DNAH5: variants seen among roughly 807,000 people sequenced by gnomAD.
DNAH5 encodes axonemal beta dynein heavy chain 5.
In DNAH5, 372 loss-of-function variants were observed where a neutral mutation model predicts 518.2. The ratio of observed to expected loss-of-function variants is 0.72; its 90% CI spans 0.66 to 0.78. The LOEUF is 0.78. Among genes scored for constraint, DNAH5 ranks in the 30% least tolerant of loss-of-function variants. The probability of loss-of-function intolerance (pLI) is 0.00; values close to 1 mark genes in which losing one functional copy is unlikely to be tolerated. For synonymous variants in DNAH5, 2,039 were observed against 2,025.9 expected, an observed-to-expected ratio of 1.01 and a Z score of -0.17; for missense variants, 5,523 against 5,687.0, an observed-to-expected ratio of 0.97 and a Z score of 0.93.
chr5:13,917,333 AC>A, intron 7 of DNAH5, 77 bp from the exon 8 acceptor site: 1 of 1,053,966 alleles, frequency 9.5e-7, no homozygotes, highest in Non-Finnish European at 1.5e-6. Flanking sequence ...GCTAAGAGTC[AC>A]CACAAGTCCA....
In DNAH5 at chr5:13,717,362, T is replaced by A. The variant is rs2277046; in HGVS notation, c.12658A>T (p.Thr4220Ser). The A allele has an allele frequency of 2.5e-6, 4 of 1,613,746 alleles. No homozygotes were observed. Among genetic ancestry groups the A allele is most frequent in the Non-Finnish European group, 2.5e-6 (3 of 1,179,982 alleles). Residue 4220 changes from threonine (T) to serine (S), a missense_variant, in exon 73 of 79, where the codon ACT (threonine) becomes TCT (serine). By Grantham distance (58) the Thr-to-Ser change is moderately conservative (BLOSUM62 1). Coordinates refer to ENST00000265104, the MANE Select transcript of DNAH5 (RefSeq NM_001369.3). Reference protein sequence around the residue: ...YEFNQADFNATVQFIQNHLDD... With the variant: ...YEFNQADFNASVQFIQNHLDD... The stretch of plus-strand genomic sequence containing the variant: ...AAGTGGTTTTGGATGAACTGCACAG[T>A]GGCATTAAAGTCCGCTTGGTTAAAT...
At chr5:13,767,916 G>C (rs558542591) in intron 58 of DNAH5, among the ~76,000 whole-genome samples, 1 of 152,162 alleles carries the variant, frequency 6.6e-6, no homozygotes, top group Non-Finnish European at 1.5e-5. Flanking sequence ...CTTTGCACAA[G>C]ATTTGTTGTC....
At chr5:13,983,990 T>C (rs554722172) in intron 1 of DNAH5, among the ~76,000 whole-genome samples, 1 of 152,150 alleles carries the variant, frequency 6.6e-6, no homozygotes, top group South Asian at 2.1e-4. Context: ...GAGGTGGAAG[T>C]AGAGTTGCTA....
Position 13,841,051 on chromosome 5 carries a change from A to AT in DNAH5, c.5563dup (p.Ile1855AsnfsTer6), listed in dbSNP as rs752925056. ...GAAAGCCTGATTAGTTTTCTGCATGATTTTTTTATCAAACTTGGCATTTCT... is the reference window on the plus strand; with the variant it reads ...GAAAGCCTGATTAGTTTTCTGCATGATTTTTTTTATCAAACTTGGCATTTCT... On this transcript the variant is annotated frameshift_variant, in exon 34 of 79. Coordinates refer to ENST00000265104, the MANE Select transcript of DNAH5 (RefSeq NM_001369.3). LOFTEE classifies it high-confidence loss of function. 97 of 1,613,974 alleles carry AT rather than the reference A, an allele frequency of 6.0e-5. No homozygotes were observed. The highest frequency in any genetic ancestry group is 5.1e-4 in the East Asian group (23 of 44,884).
chr5:13,881,339 T>C (rs1262044965), intron 21 of DNAH5, among the ~76,000 whole-genome samples: 2 of 151,974 alleles, frequency 1.3e-5, no homozygotes, highest in Non-Finnish European at 2.9e-5. Flanking sequence ...GAACAGCATA[T>C]ACATTCTTCT....
rs1173217415 is a variant in DNAH5, at chr5:13,850,681, C to T, written c.5085G>A (p.Gln1695=). 1.9e-6 allele frequency: 3 copies of T among 1,614,002 alleles called. No homozygotes were observed. The highest frequency in any genetic ancestry group is 2.5e-6 in the Non-Finnish European group (3 of 1,180,004). The change falls in exon 31 of 79, where the codon CAG becomes CAA. Residue 1695 remains glutamine, a synonymous_variant. Coordinates refer to ENST00000265104, the MANE Select transcript of DNAH5 (RefSeq NM_001369.3). ...TAAGGGATTTCTGGCATATTTCCAA[C>T]TGGTCCAGCAAGTGTGGTAACAGCT... is the stretch of plus-strand genomic sequence containing the variant. ...LGQLLPHLLD[Q]LEICQKSLTG...
At position 13,891,110 on chromosome 5, in the gene DNAH5, A is replaced by T. The variant is rs149654950; in HGVS notation, c.2443T>A (p.Leu815Met). 1,920 of 1,614,066 alleles carry T rather than the reference A, an allele frequency of 1.2e-3. 8 individuals carry two copies. Among genetic ancestry groups the T allele is most frequent in the Non-Finnish European group, 1.4e-3 (1,670 of 1,179,986 alleles). The change falls in exon 17 of 79, where the codon TTG becomes ATG. Residue 815 changes from leucine to methionine, a missense_variant. Leu to Met is a conservative substitution (Grantham distance 15). This residue lies in a region of DNAH5 where 5,121 missense variants were observed against 5,223.3 expected (regional missense o/e 0.98). Transcript: ENST00000265104. Reference protein sequence around the residue: ...NTFAKIKDLELLLDRVNDLIE... With the variant: ...NTFAKIKDLEMLLDRVNDLIE... ...AAATCATTGACCCTGTCAAGCAGCA[A>T]CTCCAGGTCCTCTTTGGGAAAAAAT...
intron 23 of DNAH5, among the ~76,000 whole-genome samples, chr5:13,871,352 T>C (rs1770073430): frequency 6.6e-6 from 1 of 152,220 alleles, no homozygotes; most frequent in Non-Finnish European, 1.5e-5. Context: ...TTAGTCTTTT[T>C]TTCAAGGTTT....
rs79669609 is a variant in DNAH5 at position 13,737,087 on chromosome 5, T to A, written c.11455+165A>T. On this transcript the variant is annotated intron_variant, in intron 66 of 78. Coordinates refer to ENST00000265104, the MANE Select transcript of DNAH5 (RefSeq NM_001369.3). ...AGGAAATTTATACCATTATAAAAAA[T>A]TTTTGACCTCCATTTTACGGAATAT... 3.3e-3 allele frequency among the ~76,000 whole-genome samples: 498 copies of A among 152,294 alleles called. 28 individuals carry two copies. The East Asian group carries it at 0.086, about 26-fold the overall frequency.
At position 13,922,304 on chromosome 5, in the gene DNAH5, C is replaced by T. The variant is rs1561579607; in HGVS notation, c.463G>A (p.Ala155Thr). ...CTGTTGAGCAGGCCTCCATCTGCCGCATCTAACATGTTAAAACTCACCTCC... is the reference window on the plus strand; with the variant it reads ...CTGTTGAGCAGGCCTCCATCTGCCGTATCTAACATGTTAAAACTCACCTCC... The part of the protein sequence containing the change: ...HQEVSFNMLD[A>T]ADGGLLNSVR... Residue 155 changes from alanine (A) to threonine (T), a missense_variant, in exon 5 of 79, where the codon GCG (alanine) becomes ACG (threonine). Around this residue, in one of 3 missense-constraint regions of DNAH5, gnomAD observed 5,121 missense variants for 5,223.3 expected, o/e 0.98. Coordinates refer to ENST00000265104, the MANE Select transcript of DNAH5 (RefSeq NM_001369.3). The T allele has an allele frequency of 3.7e-6, 6 of 1,614,004 alleles. No homozygotes were observed. The highest frequency in any genetic ancestry group is 1.6e-4 in the Middle Eastern group (1 of 6,062).
intron 51 of DNAH5, among the ~76,000 whole-genome samples, chr5:13,788,234 A>G (rs1756376176): frequency 6.6e-6 from 1 of 152,336 alleles, no homozygotes; most frequent in East Asian, 1.9e-4. Context: ...AAGTATCATT[A>G]TATTTGCTGC....
intron 70 of DNAH5, among the ~76,000 whole-genome samples, chr5:13,723,275 T>C (rs896049207): frequency 6.6e-6 from 1 of 152,244 alleles, no homozygotes; most frequent in Admixed American, 6.5e-5. Flanking sequence ...CTACTCCATG[T>C]ACACATTCAG....
chr5:13,773,696 A>G (rs1753668845), intron 55 of DNAH5, among the ~76,000 whole-genome samples: 1 of 152,230 alleles, frequency 6.6e-6, no homozygotes, highest in East Asian at 1.9e-4. Flanking sequence ...AATAATTAAC[A>G]CAATGAGGTA....
At chr5:13,761,610 A>ACTATG (rs1751796974) in intron 60 of DNAH5, among the ~76,000 whole-genome samples, 1 of 151,424 alleles carries the variant, frequency 6.6e-6, no homozygotes, top group Non-Finnish European at 1.5e-5. Flanking sequence ...AAAAAAAGAC[A>ACTATG]CTATGCATGG....
chr5:13,907,061 C>G (rs1775396601), intron 12 of DNAH5, among the ~76,000 whole-genome samples: 1 of 152,144 alleles, frequency 6.6e-6, no homozygotes, highest in South Asian at 2.1e-4. Flanking sequence ...ATAATACAGA[C>G]TAACCTTTGG....
At position 13,941,810 on chromosome 5, in the gene DNAH5, C is replaced by T. The variant is rs1282868227; in HGVS notation, c.57+2572G>A. Among the ~76,000 whole-genome samples, 3 of 152,256 alleles carry T rather than the reference C, an allele frequency of 2.0e-5. No individual in the cohort carries two copies. The East Asian group carries it at 5.8e-4, about 29-fold the overall frequency. ...CATACAGCACAAAACAGGAACAACA[C>T]ACATTCCGCTGCAGTGGGGAGAAGA... On this transcript the variant is annotated intron_variant, in intron 1 of 78. Coordinates refer to ENST00000265104, the MANE Select transcript of DNAH5 (RefSeq NM_001369.3).
chr5:13,853,232 T>C (rs1087773), intron 30 of DNAH5, among the ~76,000 whole-genome samples: 9,382 of 152,148 alleles, frequency 0.062, 307 homozygotes, highest in African/African-American at 0.079. Flanking sequence ...GCAAACAGGG[T>C]CTGGATTGGA....
chr5:13,704,770 G>C (rs1742563434), intron 76 of DNAH5, among the ~76,000 whole-genome samples: 1 of 152,148 alleles, frequency 6.6e-6, no homozygotes, highest in African/African-American at 2.4e-5. Flanking sequence ...GCCAGGCACA[G>C]AAAGGCAAAC....
intron 1 of DNAH5, among the ~76,000 whole-genome samples, chr5:13,992,214 A>G (rs1783606063): frequency 1.3e-5 from 2 of 152,176 alleles, no homozygotes. Flanking sequence ...TTGTTCTTCA[A>G]AATCTCACTC....
Sources: gnomAD v4.1 joint callset for allele counts (sites outside exome capture counted in the v4.1 genomes callset) on GRCh38, gnomAD v4.1.1 for gene constraint, gnomAD v4.1.1 regional missense constraint, MANE v1.5 for transcripts, NCBI Gene and HGNC (gene_info 2026-07-23, HGNC 2026-07-21) for gene names.